Variants in SHANK2 observed in about 807,000 individuals in gnomAD.
The protein encoded by SHANK2 is SH3 and multiple ankyrin repeat domains 2.
A neutral mutation model predicts 133.7 loss-of-function variants in SHANK2; 43 were observed. That is an observed-to-expected ratio of 0.32 (90% CI 0.25 to 0.41). The LOEUF (loss-of-function observed/expected upper bound fraction) is 0.41, where lower values mean the gene tolerates loss of function less well. SHANK2 is among the 10% of genes least tolerant of loss of function. SHANK2 has a pLI of 1.00. For missense variants in SHANK2, 1,994 were observed against 2,235.8 expected, an observed-to-expected ratio of 0.89 and a Z score of 2.18; for synonymous variants, 1,017 against 952.8, an observed-to-expected ratio of 1.07 and a Z score of -1.24.
At chr11:70,948,840 A>T (rs1555085950) in intron 10 of SHANK2, among the ~76,000 whole-genome samples, 2 of 152,266 alleles carry the variant, frequency 1.3e-5, no homozygotes, top group Non-Finnish European at 2.9e-5. Context: ...AAATTCCTGG[A>T]AGTTTAAATA....
At chr11:71,234,396 A>AATAAATAAATAG in intron 1 of SHANK2, among the ~76,000 whole-genome samples, 1 of 151,206 alleles carries the variant, frequency 6.6e-6, no homozygotes, top group African/African-American at 2.4e-5. Flanking sequence ...TAAATAAATA[A>AATAAATAAATAG]ATAAATAACA....
At chr11:70,927,094 C>T (rs1950439474) in intron 10 of SHANK2, among the ~76,000 whole-genome samples, 1 of 152,082 alleles carries the variant, frequency 6.6e-6, no homozygotes, top group Non-Finnish European at 1.5e-5. Flanking sequence ...CATGTGCTTG[C>T]CAAGGCATCT....
rs887660059 is a variant in SHANK2 at position 70,816,547 on chromosome 11, C to T, written c.1493+3817G>A. ...GCTAGCAGCCTCCCTGAAAGTGGCC[C>T]GTTAGTGCCACATGGCCAGGGCCCG... On this transcript the variant is annotated intron_variant, in intron 12 of 25. Coordinates refer to ENST00000601538, the MANE Select transcript of SHANK2 (RefSeq NM_012309.5). Among the ~76,000 whole-genome samples the T allele has an allele frequency of 3.3e-5, 5 of 152,346 alleles. No individual in the cohort carries two copies. In the South Asian group the frequency reaches 8.3e-4, roughly 25 times the overall value.
chr11:70,784,343 GTTTTTTTTTTTTTT>G (rs71049942), intron 14 of SHANK2, among the ~76,000 whole-genome samples: 825 of 42,886 alleles, frequency 0.019, 23 homozygotes, highest in African/African-American at 0.061. Context: ...ACACCGGCTA[GTTTTTTTTTTTTTT>G]TTTTTTTTTT....
chr11:71,232,831 G>C (rs1196915581), intron 1 of SHANK2, among the ~76,000 whole-genome samples: 1 of 152,084 alleles, frequency 6.6e-6, no homozygotes, highest in Non-Finnish European at 1.5e-5. Flanking sequence ...AGTTATACCT[G>C]GACTTTTGAC....
intron 14 of SHANK2, among the ~76,000 whole-genome samples, chr11:70,761,036 G>A (rs1271425645): frequency 1.3e-5 from 2 of 152,158 alleles, no homozygotes; most frequent in Admixed American, 1.3e-4. Flanking sequence ...GGTGGGAGAG[G>A]CCCCACTGGG....
In SHANK2 at chr11:71,167,926, A is replaced by AC. The variant is rs1301736220; in HGVS notation, c.-12-20589dup. Among the ~76,000 whole-genome samples, 45 of 140,914 alleles carry AC rather than the reference A, an allele frequency of 3.2e-4. 1 individual carries two copies. Among genetic ancestry groups the AC allele is most frequent in the Non-Finnish European group, 5.8e-4 (38 of 65,108 alleles). 92.4% of individuals were successfully genotyped at this position (140,914 alleles called of 152,430 possible). On this transcript the variant is annotated intron_variant, in intron 2 of 25. Transcript: ENST00000601538. ...GGGCGGCTGTCCGGGCGGGGGGCTG[A>AC]CCCCCCTACCTCCCTGCCGGACGAG...
chr11:70,573,039 T>C (rs7934925), intron 17 of SHANK2, among the ~76,000 whole-genome samples: 146,174 of 152,184 alleles, frequency 0.96, 70,450 homozygotes, highest in East Asian at 1. Flanking sequence ...GCCATCGACA[T>C]GATGACGGCC....
At position 70,830,420 on chromosome 11, in the gene SHANK2, A is replaced by T. The variant is rs1302898400; in HGVS notation, c.1175-9738T>A. Among the ~76,000 whole-genome samples, 2 of 152,158 alleles carry T rather than the reference A, an allele frequency of 1.3e-5. No individual in the cohort carries two copies. Among genetic ancestry groups the T allele is most frequent in the Non-Finnish European group, 2.9e-5 (2 of 68,016 alleles). Reference sequence around the variant, plus strand: ...ACGAGCTCACCCCTGAGCCCCAGGTAGATGGTTCGCATTCTCCTGCCATCT... The same window carrying T: ...ACGAGCTCACCCCTGAGCCCCAGGTTGATGGTTCGCATTCTCCTGCCATCT... On this transcript the variant is annotated intron_variant, in intron 11 of 25. Transcript: ENST00000601538. The surrounding 1 kb of genome is among the most constrained non-coding windows in gnomAD (Gnocchi z 4.4).
At chr11:71,095,233 C>A (rs1951587818) in intron 6 of SHANK2, among the ~76,000 whole-genome samples, 1 of 152,214 alleles carries the variant, frequency 6.6e-6, no homozygotes, top group Non-Finnish European at 1.5e-5. Context: ...TAACGCGGCG[C>A]AGGATGACCC....
chr11:71,247,269 T>C (rs955291009), intron 1 of SHANK2, among the ~76,000 whole-genome samples: 2 of 152,318 alleles, frequency 1.3e-5, no homozygotes, highest in South Asian at 4.1e-4. Flanking sequence ...AAAATATCGA[T>C]ATTTACCTCA....
At chr11:70,627,540 ACAG>A (rs1277742389) in intron 17 of SHANK2, among the ~76,000 whole-genome samples, 2 of 152,254 alleles carry the variant, frequency 1.3e-5, no homozygotes, top group African/African-American at 4.8e-5. Context: ...TCAGGTGGCT[ACAG>A]CAGAATAGCC....
At chr11:70,894,534 C>G (rs1445747814) in intron 11 of SHANK2, among the ~76,000 whole-genome samples, 1 of 152,148 alleles carries the variant, frequency 6.6e-6, no homozygotes, top group African/African-American at 2.4e-5. Context: ...CTTACCTTCT[C>G]AGAAGGGAGG....
In SHANK2 at chr11:71,134,502, C is replaced by T. The variant is rs181077181; in HGVS notation, c.207+12618G>A. Among the ~76,000 whole-genome samples the T allele has an allele frequency of 9.2e-3, 1,368 of 148,834 alleles. 10 individuals carry two copies. The highest frequency in any genetic ancestry group is 0.013 in the Non-Finnish European group (867 of 67,586). On this transcript the variant is annotated intron_variant, in intron 3 of 25. Transcript: ENST00000601538. The stretch of plus-strand genomic sequence containing the variant: ...TCGCCCAGGCTGGAGTACAGTGGCA[C>T]GATCTCGGCTCACTGCAACCTCCAC...
intron 14 of SHANK2, among the ~76,000 whole-genome samples, chr11:70,779,558 G>A (rs1555044696): frequency 6.6e-6 from 1 of 152,124 alleles, no homozygotes; most frequent in African/African-American, 2.4e-5. Flanking sequence ...TGTGACTAAC[G>A]ACACTTCTGT....
Position 70,929,827 on chromosome 11 carries a change from C to G in SHANK2, c.1108-33260G>C, listed in dbSNP as rs527781238. ...GTTTGGGGGGACATTCTTTTAGCAACTGCAATATTGAAAGCTGTCAGATCC... is the reference window on the plus strand; with the variant it reads ...GTTTGGGGGGACATTCTTTTAGCAAGTGCAATATTGAAAGCTGTCAGATCC... On this transcript the variant is annotated intron_variant, in intron 10 of 25. Coordinates refer to ENST00000601538, the MANE Select transcript of SHANK2 (RefSeq NM_012309.5). 5.3e-5 allele frequency among the ~76,000 whole-genome samples: 8 copies of G among 152,334 alleles called. No individual in the cohort carries two copies. The South Asian group carries it at 1.7e-3, about 32-fold the overall frequency.
At chr11:70,664,685 C>T (rs570114603) in intron 15 of SHANK2, among the ~76,000 whole-genome samples, 2 of 152,364 alleles carry the variant, frequency 1.3e-5, no homozygotes, top group South Asian at 2.1e-4. Flanking sequence ...ACCCAGACCA[C>T]TTCCTGCCAG....
intron 3 of SHANK2, among the ~76,000 whole-genome samples, chr11:71,143,665 T>C (rs1952595178): frequency 6.6e-6 from 1 of 152,190 alleles, no homozygotes; most frequent in Middle Eastern, 3.2e-3. Context: ...AGAGAAAACA[T>C]GCCACAGAAG....
At chr11:71,204,576 C>T (rs1404788203) in intron 2 of SHANK2, among the ~76,000 whole-genome samples, 1 of 152,204 alleles carries the variant, frequency 6.6e-6, no homozygotes, top group Non-Finnish European at 1.5e-5. Context: ...TTCACCCTGA[C>T]ACCTGGACGC....
Sources: gnomAD v4.1 joint callset for allele counts (sites outside exome capture counted in the v4.1 genomes callset) on GRCh38, gnomAD v4.1.1 for gene constraint, Gnocchi (gnomAD v3.1) non-coding constraint, MANE v1.5 for transcripts, NCBI Gene and HGNC (gene_info 2026-07-23, HGNC 2026-07-21) for gene names.